RFX3: variants seen among roughly 807,000 people sequenced by gnomAD.
RFX3 encodes the protein transcription factor RFX3.
In RFX3, 14 loss-of-function variants were observed where a neutral mutation model predicts 98.6. The observed-to-expected ratio is 0.14, with a 90% CI of 0.09 to 0.22. RFX3 has a LOEUF of 0.22. Among genes scored for constraint, RFX3 ranks in the 10% least tolerant of loss-of-function variants. RFX3 has a pLI of 1.00. For synonymous variants in RFX3, 383 were observed against 328.4 expected (o/e 1.17, Z -1.80); for missense variants, 639 against 926.9 (o/e 0.69, Z 4.03).
chr9:3,504,166 T>C (rs550232391), intron 1 of RFX3, among the ~76,000 whole-genome samples: 1 of 97,428 alleles, frequency 1.0e-5, no homozygotes, highest in Non-Finnish European at 1.7e-5. Context: ...ATATATTATA[T>C]ATATTATATA....
intron 1 of RFX3, among the ~76,000 whole-genome samples, chr9:3,406,982 A>T (rs574355710): frequency 3.0e-4 from 45 of 152,328 alleles, no homozygotes; most frequent in African/African-American, 1.1e-3. Context: ...CTGTGTTTTA[A>T]TAAGTACATC....
chr9:3,404,963 GAGA>G (rs896839974), intron 1 of RFX3, among the ~76,000 whole-genome samples: 4 of 152,110 alleles, frequency 2.6e-5, no homozygotes, highest in African/African-American at 7.2e-5. Context: ...ATCCCTCCAA[GAGA>G]AGATCAACTT....
At chr9:3,240,793 A>G in intron 15 of RFX3, among the ~76,000 whole-genome samples, 1 of 152,248 alleles carries the variant, frequency 6.6e-6, no homozygotes, top group East Asian at 1.9e-4. Context: ...CAAAACCACC[A>G]TAAAGACAGT....
chr9:3,495,382 A>G (rs1851033235), intron 1 of RFX3, among the ~76,000 whole-genome samples: 1 of 152,046 alleles, frequency 6.6e-6, no homozygotes, highest in Non-Finnish European at 1.5e-5. Context: ...GCACCACACA[A>G]AATACATCAG....
intron 2 of RFX3, among the ~76,000 whole-genome samples, chr9:3,367,345 G>C (rs1414793164): frequency 1.3e-5 from 2 of 152,102 alleles, no homozygotes; most frequent in Non-Finnish European, 2.9e-5. Flanking sequence ...AGATAACACA[G>C]AGGCCTTAGT....
chr9:3,363,619 G>T (rs1984102), intron 2 of RFX3, among the ~76,000 whole-genome samples: 151,712 of 152,364 alleles, frequency 1, 75,531 homozygotes, highest in East Asian at 1. Flanking sequence ...CAATAATATT[G>T]CATTTGATCT....
At chr9:3,275,669 TTAA>T in intron 8 of RFX3, 57 bp from the exon 9 acceptor site, 1 of 1,014,930 alleles carries the variant, frequency 9.9e-7, no homozygotes, top group Non-Finnish European at 1.5e-6. Flanking sequence ...CAATTACAGA[TTAA>T]TGAGGGAAAA....
intron 4 of RFX3, among the ~76,000 whole-genome samples, chr9:3,308,199 A>G (rs575123695): frequency 9.9e-5 from 15 of 152,284 alleles, no homozygotes; most frequent in African/African-American, 3.6e-4. Context: ...GTTAGGATAC[A>G]TAGTGCTTGG....
At chr9:3,458,648 G>A (rs1847405029) in intron 1 of RFX3, among the ~76,000 whole-genome samples, 1 of 152,174 alleles carries the variant, frequency 6.6e-6, no homozygotes, top group African/African-American at 2.4e-5. Context: ...AAAATCTAAT[G>A]TAGCTTTTAG....
rs1825550443 is a variant in RFX3 at position 3,278,706 on chromosome 9, A to G, written c.852-1245T>C. ...AATGAATCAATCTTGGATGTTATCA[A>G]TTGCAACTCAGATAAATGAAATTTT... On this transcript the variant is annotated intron_variant, in intron 7 of 16. Transcript: ENST00000617270. 1.1e-4 allele frequency among the ~76,000 whole-genome samples: 16 copies of G among 152,010 alleles called. No individual in the cohort carries two copies. In the South Asian group the frequency reaches 2.9e-3, roughly 28 times the overall value.
intron 1 of RFX3, among the ~76,000 whole-genome samples, chr9:3,455,638 A>G (rs1045456873): frequency 6.6e-6 from 1 of 152,204 alleles, no homozygotes; most frequent in Non-Finnish European, 1.5e-5. Flanking sequence ...TTAAAAGCTG[A>G]GCAAATATAG....
At chr9:3,340,120 T>A (rs1833696478) in intron 3 of RFX3, among the ~76,000 whole-genome samples, 1 of 152,178 alleles carries the variant, frequency 6.6e-6, no homozygotes, top group Non-Finnish European at 1.5e-5. Context: ...CCATCTGATC[T>A]TTGACAAACC....
chr9:3,524,727 C>T, intron 1 of RFX3: 2 of 473,884 alleles, frequency 4.2e-6, no homozygotes, highest in Non-Finnish European at 5.5e-6. Flanking sequence ...TGAAACGGAA[C>T]CTCACTACTC....
chr9:3,349,288 T>G (rs934437365), intron 2 of RFX3, among the ~76,000 whole-genome samples: 1 of 152,068 alleles, frequency 6.6e-6, no homozygotes. Context: ...AATATTTGAT[T>G]ATCAAATATT....
At chr9:3,455,249 G>A (rs746803922) in intron 1 of RFX3, among the ~76,000 whole-genome samples, 5 of 152,152 alleles carry the variant, frequency 3.3e-5, no homozygotes, top group Non-Finnish European at 5.9e-5. Context: ...GTTTAGAGCA[G>A]ATTCTGTATG....
intron 4 of RFX3, among the ~76,000 whole-genome samples, chr9:3,324,439 G>T (rs1388225062): frequency 6.6e-6 from 1 of 151,922 alleles, no homozygotes; most frequent in African/African-American, 2.4e-5. Context: ...CCTCTGGTAA[G>T]ATAGATGGGC....
At chr9:3,424,315 G>A (rs537218726) in intron 1 of RFX3, among the ~76,000 whole-genome samples, 1 of 145,142 alleles carries the variant, frequency 6.9e-6, no homozygotes, top group East Asian at 2.0e-4. Flanking sequence ...TTTGGGAATA[G>A]CAACAGTAGA....
At chr9:3,303,829 G>C (rs1344764074) in intron 4 of RFX3, among the ~76,000 whole-genome samples, 3 of 151,928 alleles carry the variant, frequency 2.0e-5, no homozygotes, top group Non-Finnish European at 2.9e-5. Context: ...GGATTCCCCA[G>C]GAACAGATAC....
chr9:3,309,385 CG>C (rs776402744), intron 4 of RFX3, among the ~76,000 whole-genome samples: 3 of 152,064 alleles, frequency 2.0e-5, no homozygotes, highest in Non-Finnish European at 4.4e-5. Flanking sequence ...GCAATAAATC[CG>C]TGGCCTAAAA....
Sources: allele counts gnomAD v4.1 joint callset (sites outside exome capture counted in the v4.1 genomes callset), GRCh38; gene constraint gnomAD v4.1.1; transcripts MANE v1.5; gene names NCBI Gene and HGNC (gene_info 2026-07-23, HGNC 2026-07-21).